PEX14: variants seen among roughly 807,000 people sequenced by gnomAD.
The protein encoded by PEX14 is peroxisomal biogenesis factor 14, also known as peroxisomal membrane protein PEX14.
In PEX14, 15 loss-of-function variants were observed where a neutral mutation model predicts 49.5. That is an observed-to-expected ratio of 0.30 (90% CI 0.20 to 0.47). The LOEUF is 0.47. Ranked by LOEUF, PEX14 falls within the 20% of genes least tolerant of loss-of-function variation. The pLI is 1.00. For synonymous variants in PEX14, 210 were observed against 212.7 expected (o/e 0.99, Z 0.11); for missense variants, 398 against 494.8 (o/e 0.80, Z 1.86).
chr1:10,537,176 C>T (rs902500657), intron 3 of PEX14, among the ~76,000 whole-genome samples: 3 of 152,086 alleles, frequency 2.0e-5, no homozygotes, highest in Non-Finnish European at 4.4e-5. Context: ...AACCATTGGT[C>T]CCTTCATGCG....
In PEX14 at chr1:10,623,874, G is replaced by T. The variant is rs888106205; in HGVS notation, c.488-466G>T. Among the ~76,000 whole-genome samples the T allele has an allele frequency of 6.6e-6, 1 of 152,216 alleles. No homozygotes were observed. Among genetic ancestry groups the T allele is most frequent in the African/African-American group, 2.4e-5 (1 of 41,452 alleles). On this transcript the variant is annotated intron_variant, in intron 6 of 8. Coordinates refer to ENST00000356607, the MANE Select transcript of PEX14 (RefSeq NM_004565.3). The surrounding 1 kb of genome is among the most constrained non-coding windows in gnomAD (Gnocchi z 4.4). ...GAGTTGAGCAGGCAGCTTGGGTCAG[G>T]TGGGGAGGGTGGGAAGGAGCAGTGG...
At chr1:10,496,588 G>C (rs1641569046) in intron 2 of PEX14, among the ~76,000 whole-genome samples, 1 of 152,076 alleles carries the variant, frequency 6.6e-6, no homozygotes, top group African/African-American at 2.4e-5. Context: ...CATTTAACTG[G>C]TCATCGGAGG....
At chr1:10,504,303 T>G (rs1345174264) in intron 2 of PEX14, among the ~76,000 whole-genome samples, 2 of 152,222 alleles carry the variant, frequency 1.3e-5, no homozygotes, top group Non-Finnish European at 2.9e-5. Flanking sequence ...TGAGTTTGTC[T>G]GAACAGTCTA....
intron 3 of PEX14, among the ~76,000 whole-genome samples, chr1:10,590,056 G>A (rs985047698): frequency 6.6e-6 from 1 of 152,180 alleles, no homozygotes; most frequent in African/African-American, 2.4e-5. Context: ...CTGGGCCTGG[G>A]GTCCGAGCCT....
At chr1:10,568,825 C>T (rs10779743) in intron 3 of PEX14, among the ~76,000 whole-genome samples, 93,476 of 151,904 alleles carry the variant, frequency 0.62, 30,007 homozygotes, top group Admixed American at 0.7. Flanking sequence ...CTGCAACCTC[C>T]GCCTCCTGGG....
At chr1:10,563,247 T>C (rs1231332732) in intron 3 of PEX14, among the ~76,000 whole-genome samples, 1 of 151,570 alleles carries the variant, frequency 6.6e-6, no homozygotes, top group Non-Finnish European at 1.5e-5. Flanking sequence ...CCTCTTACTA[T>C]TGAAATGTAT....
chr1:10,545,980 G>T (rs905042699), intron 3 of PEX14, among the ~76,000 whole-genome samples: 1 of 152,272 alleles, frequency 6.6e-6, no homozygotes, highest in Admixed American at 6.5e-5. Flanking sequence ...TGGAGTTTGA[G>T]CTTACAGGGA....
At chr1:10,626,976 C>T (rs1179971337) in intron 7 of PEX14, among the ~76,000 whole-genome samples, 5 of 152,196 alleles carry the variant, frequency 3.3e-5, no homozygotes, top group African/African-American at 4.8e-5. Flanking sequence ...CACTTCATAC[C>T]GCACCCGCAC....
At position 10,499,501 on chromosome 1, in the gene PEX14, T is replaced by C. The variant is rs574661919; in HGVS notation, c.84+4180T>C. Reference sequence around the variant, plus strand: ...TCTTGCTCTGTCACCCAGGCTGGAGTGCAGTGGTGTGATCTCGGCTCACTG... The same window carrying C: ...TCTTGCTCTGTCACCCAGGCTGGAGCGCAGTGGTGTGATCTCGGCTCACTG... On this transcript the variant is annotated intron_variant, in intron 2 of 8. Coordinates refer to ENST00000356607, the MANE Select transcript of PEX14 (RefSeq NM_004565.3). Among the ~76,000 whole-genome samples, 698 of 144,754 alleles carry C rather than the reference T, an allele frequency of 4.8e-3. 3 individuals are homozygous for C. Among genetic ancestry groups the C allele is most frequent in the African/African-American group, 0.017 (675 of 38,820 alleles). The allele number at this position is 144,754 out of a possible 152,430, so 95.0% of individuals were successfully genotyped here.
intron 1 of PEX14, among the ~76,000 whole-genome samples, chr1:10,489,193 C>T (rs1021392844): frequency 5.3e-5 from 8 of 151,562 alleles, no homozygotes; most frequent in Non-Finnish European, 1.0e-4. Flanking sequence ...GTTGGTCAGG[C>T]TAGTCTCGAA....
rs751805633 is a variant in PEX14 at position 10,495,668 on chromosome 1, G to T, written c.84+347G>T. Among the ~76,000 whole-genome samples, 1 of 152,156 alleles carries T rather than the reference G, an allele frequency of 6.6e-6. No individual in the cohort carries two copies. The highest frequency in any genetic ancestry group is 1.5e-5 in the Non-Finnish European group (1 of 68,022). ...GGCTTCTAGATTGTTTGAAGTAGCC[G>T]CCCTCTGCTCTGCCCCTCAGGGTGC... On this transcript the variant is annotated intron_variant, in intron 2 of 8. Coordinates refer to ENST00000356607, the MANE Select transcript of PEX14 (RefSeq NM_004565.3). This position sits in a 1 kb window ranked among gnomAD's most constrained non-coding sequence, Gnocchi z 4.2.
chr1:10,490,351 G>A (rs1026937442), intron 1 of PEX14, among the ~76,000 whole-genome samples: 1 of 152,190 alleles, frequency 6.6e-6, no homozygotes, highest in Admixed American at 6.5e-5. Flanking sequence ...GGCAGATGCA[G>A]GATGGGTTCT....
chr1:10,602,824 G>T (rs552644577), intron 4 of PEX14, among the ~76,000 whole-genome samples: 1 of 152,162 alleles, frequency 6.6e-6, no homozygotes, highest in Non-Finnish European at 1.5e-5. Context: ...TGTCTGCGTC[G>T]GGAGGGATTT....
chr1:10,492,409 G>A (rs1051960471), intron 1 of PEX14, among the ~76,000 whole-genome samples: 2 of 152,192 alleles, frequency 1.3e-5, no homozygotes, highest in African/African-American at 4.8e-5. Context: ...TAGCATTAAG[G>A]TTGTTGCTTA....
chr1:10,520,880 T>C (rs973600419), intron 2 of PEX14, among the ~76,000 whole-genome samples: 1 of 152,186 alleles, frequency 6.6e-6, no homozygotes, highest in African/African-American at 2.4e-5. Context: ...AGACGCACTA[T>C]GGACTTGCTA....
At chr1:10,627,409 G>A in intron 8 of PEX14, 46 bp downstream of exon 8, 1 of 1,325,882 alleles carries the variant, frequency 7.5e-7, no homozygotes, top group South Asian at 1.2e-5. Flanking sequence ...GCCTGGAAAG[G>A]AGGACTGGGA....
intron 2 of PEX14, among the ~76,000 whole-genome samples, chr1:10,522,959 G>T (rs1235121094): frequency 6.6e-6 from 1 of 152,180 alleles, no homozygotes; most frequent in Non-Finnish European, 1.5e-5. Context: ...TGTTTATATG[G>T]TGTTATAAGC....
chr1:10,587,403 C>T (rs1008330635), intron 3 of PEX14, among the ~76,000 whole-genome samples: 3 of 151,830 alleles, frequency 2.0e-5, no homozygotes, highest in Non-Finnish European at 4.4e-5. Flanking sequence ...TACAGTGAGC[C>T]GAGATGGCAC....
chr1:10,483,158 A>G lies in PEX14; in HGVS notation c.36+8156A>G, dbSNP rs1338751145. ...TTGCTTTCTTTGCAACTTTGCTAGT[A>G]TTGTTTTAAATTTTTGAGACAGGGT... On this transcript the variant is annotated intron_variant, in intron 1 of 8. Coordinates refer to ENST00000356607, the MANE Select transcript of PEX14 (RefSeq NM_004565.3). Among the ~76,000 whole-genome samples, 9 of 152,170 alleles carry G rather than the reference A, an allele frequency of 5.9e-5. No homozygotes were observed. The South Asian group carries it at 1.0e-3, about 18-fold the overall frequency.
Sources: allele counts gnomAD v4.1 joint callset (sites outside exome capture counted in the v4.1 genomes callset), GRCh38; gene constraint gnomAD v4.1.1; non-coding constraint Gnocchi (gnomAD v3.1); transcripts MANE v1.5; gene names NCBI Gene and HGNC (gene_info 2026-07-23, HGNC 2026-07-21).